CSMD1: variants seen among roughly 807,000 people sequenced by gnomAD.
CSMD1 encodes CUB and sushi domain-containing protein 1.
CSMD1 carries 213 observed loss-of-function variants against 417.5 expected under a neutral mutation model. The observed-to-expected ratio is 0.51, with a 90% CI of 0.46 to 0.57. The LOEUF is 0.57. Among genes scored for constraint, CSMD1 ranks in the 20% least tolerant of loss-of-function variants. The pLI, the probability that CSMD1 is intolerant of heterozygous loss-of-function variation, is 0.00. For missense variants in CSMD1, 6,923 were observed against 4,529.7 expected, an observed-to-expected ratio of 1.53 and a Z score of -15.17; for synonymous variants, 2,862 against 1,736.8, an observed-to-expected ratio of 1.65 and a Z score of -16.11.
intron 3 of CSMD1, among the ~76,000 whole-genome samples, chr8:4,092,421 A>G (rs543879357): frequency 6.6e-6 from 1 of 152,222 alleles, no homozygotes; most frequent in Non-Finnish European, 1.5e-5. Flanking sequence ...TGGCTTCAGC[A>G]TATTATGAGA....
At chr8:3,040,410 ATAT>A (rs1811007268) in intron 50 of CSMD1, among the ~76,000 whole-genome samples, 1 of 144,854 alleles carries the variant, frequency 6.9e-6, no homozygotes, top group African/African-American at 2.6e-5. Context: ...ATATATATAT[ATAT>A]AACAGAAATA....
intron 5 of CSMD1, among the ~76,000 whole-genome samples, chr8:3,990,847 T>C (rs968818411): frequency 6.6e-6 from 1 of 151,776 alleles, no homozygotes; most frequent in Non-Finnish European, 1.5e-5. Flanking sequence ...AATCAGAGAG[T>C]GCAGCTGCCC....
At chr8:4,358,274 T>C (rs1269874522) in intron 3 of CSMD1, among the ~76,000 whole-genome samples, 1 of 152,220 alleles carries the variant, frequency 6.6e-6, no homozygotes, top group African/African-American at 2.4e-5. Context: ...CCAGTGGGTG[T>C]GGAGCGCGGC....
At chr8:4,542,552 G>A (rs572820108) in intron 2 of CSMD1, among the ~76,000 whole-genome samples, 1 of 152,236 alleles carries the variant, frequency 6.6e-6, no homozygotes, top group South Asian at 2.1e-4. Flanking sequence ...AGATAAAAGG[G>A]TGCTGTCATT....
At chr8:3,127,932 A>AAGGAAGGAAGGAAGGAAGGG (rs1229775542) in intron 41 of CSMD1, 38 of 128,528 alleles carry the variant, frequency 3.0e-4, no homozygotes, top group African/African-American at 1.1e-3. Flanking sequence ...GGAAGGAAGG[A>AAGGAAGGAAGGAAGGAAGGG]AGGGAAGGAA....
chr8:3,724,588 A>G (rs558442733), intron 6 of CSMD1, among the ~76,000 whole-genome samples: 1 of 152,256 alleles, frequency 6.6e-6, no homozygotes, highest in East Asian at 1.9e-4. Context: ...GAGAGGAATT[A>G]GGGAGGGGGA....
chr8:4,733,920 A>T (rs1367055166), intron 1 of CSMD1, among the ~76,000 whole-genome samples: 2 of 152,210 alleles, frequency 1.3e-5, no homozygotes, highest in African/African-American at 4.8e-5. Context: ...ACAGACAAGG[A>T]TAGCATTTAT....
At chr8:3,890,315 A>G (rs1806876368) in intron 5 of CSMD1, among the ~76,000 whole-genome samples, 1 of 152,168 alleles carries the variant, frequency 6.6e-6, no homozygotes, top group Non-Finnish European at 1.5e-5. Context: ...ATATTAATGG[A>G]GAATTGCACA....
intron 3 of CSMD1, among the ~76,000 whole-genome samples, chr8:4,400,554 G>A (rs888149375): frequency 2.0e-5 from 3 of 152,184 alleles, no homozygotes; most frequent in Non-Finnish European, 2.9e-5. Context: ...AAGGCACAGG[G>A]CCAGCCACAT....
chr8:4,120,060 T>G (rs905717240), intron 3 of CSMD1, among the ~76,000 whole-genome samples: 1 of 152,178 alleles, frequency 6.6e-6, no homozygotes, highest in Non-Finnish European at 1.5e-5. Context: ...AGAGTATAAT[T>G]GGATTATTTG....
intron 3 of CSMD1, among the ~76,000 whole-genome samples, chr8:4,132,589 T>C (rs556188175): frequency 2.8e-4 from 43 of 152,322 alleles, no homozygotes; most frequent in African/African-American, 9.4e-4. Flanking sequence ...ACATCATCAA[T>C]GGCTGATAAT....
At chr8:4,515,039 C>A (rs533299226) in intron 2 of CSMD1, among the ~76,000 whole-genome samples, 1 of 152,196 alleles carries the variant, frequency 6.6e-6, no homozygotes, top group African/African-American at 2.4e-5. Context: ...GAAGCACTTT[C>A]AGAACTACAC....
At chr8:3,995,130 T>C (rs1414002498) in intron 5 of CSMD1, among the ~76,000 whole-genome samples, 2 of 152,196 alleles carry the variant, frequency 1.3e-5, no homozygotes, top group African/African-American at 4.8e-5. Context: ...TGTAAAATAA[T>C]AGGCTTTTTA....
At chr8:4,888,194 G>A (rs1803877379) in intron 1 of CSMD1, among the ~76,000 whole-genome samples, 1 of 151,894 alleles carries the variant, frequency 6.6e-6, no homozygotes, top group Non-Finnish European at 1.5e-5. Context: ...TTGTATTCAT[G>A]AAGTATAATA....
At chr8:4,659,994 C>G (rs990690005) in intron 1 of CSMD1, among the ~76,000 whole-genome samples, 1 of 151,378 alleles carries the variant, frequency 6.6e-6, no homozygotes, top group Non-Finnish European at 1.5e-5. Context: ...GGAGTATATA[C>G]TCAACTTGTA....
intron 2 of CSMD1, among the ~76,000 whole-genome samples, chr8:4,566,419 C>T (rs1201979975): frequency 4.6e-5 from 7 of 150,700 alleles, no homozygotes; most frequent in African/African-American, 9.8e-5. Flanking sequence ...TTTGGGAGGC[C>T]GAGGTGGGTT....
chr8:4,742,170 A>G (rs957834478), intron 1 of CSMD1, among the ~76,000 whole-genome samples: 1 of 150,914 alleles, frequency 6.6e-6, no homozygotes, highest in Admixed American at 6.6e-5. Context: ...AGCTGGGACT[A>G]CAGGCGCCCG....
intron 3 of CSMD1, among the ~76,000 whole-genome samples, chr8:4,085,980 A>G (rs192149532): frequency 1.3e-5 from 2 of 152,318 alleles, no homozygotes; most frequent in African/African-American, 4.8e-5. Flanking sequence ...ACCTTGAAAT[A>G]AAAACTGTAA....
intron 3 of CSMD1, among the ~76,000 whole-genome samples, chr8:4,123,250 A>G (rs1802586466): frequency 6.6e-6 from 1 of 152,222 alleles, no homozygotes; most frequent in East Asian, 1.9e-4. Context: ...CATGTAGTAA[A>G]TGATACAGGC....
Sources: allele counts gnomAD v4.1 joint callset (sites outside exome capture counted in the v4.1 genomes callset), GRCh38; gene constraint gnomAD v4.1.1; transcripts MANE v1.5; gene names NCBI Gene and HGNC (gene_info 2026-07-23, HGNC 2026-07-21).